The following POLR1A variants were observed in gnomAD, a reference collection of about 807,000 sequenced individuals.
POLR1A encodes RNA polymerase I subunit A.
POLR1A carries 84 observed loss-of-function variants against 205.3 expected under a neutral mutation model. The observed-to-expected ratio is 0.41, with a 90% CI of 0.34 to 0.49. The LOEUF is 0.49. POLR1A is among the 20% of genes least tolerant of loss of function. POLR1A has a pLI of 0.22. For synonymous variants in POLR1A, 799 were observed against 863.7 expected, an observed-to-expected ratio of 0.93 and a Z score of 1.31; for missense variants, 1,645 against 2,204.5, an observed-to-expected ratio of 0.75 and a Z score of 5.08.
At chr2:86,044,086 C>T (rs1193777216) in intron 22 of POLR1A, 53 bp downstream of exon 22, 7 of 1,578,948 alleles carry the variant, frequency 4.4e-6, no homozygotes, top group Non-Finnish European at 5.2e-6. Flanking sequence ...TCTCTAACCT[C>T]GGTGGGGGAG....
At chr2:86,102,888 C>G (rs1029685406) in intron 1 of POLR1A, among the ~76,000 whole-genome samples, 2 of 152,154 alleles carry the variant, frequency 1.3e-5, no homozygotes, top group African/African-American at 4.8e-5. Context: ...ACTGGAGGTG[C>G]CACCACAAAT....
Position 86,052,822 on chromosome 2 carries a change from G to A in POLR1A, c.2387C>T (p.Thr796Ile). Residue 796 changes from threonine to isoleucine, a missense_variant, in exon 16 of 34, where the codon ACC becomes ATC. By Grantham distance (89) the Thr-to-Ile change is moderately conservative. This residue lies in a region of POLR1A where 339 missense variants were observed against 415.1 expected (regional missense o/e 0.82). Coordinates refer to ENST00000263857, the MANE Select transcript of POLR1A (RefSeq NM_015425.6). ...TAYLQLYRGF[T>I]LGVEDILVKP... ...GCAGCGAGCCCGGCACTTACCCAAG[G>A]TGAAGCCTCTGTAGAGCTGCAGGTA... The A allele has an allele frequency of 6.5e-7, 1 of 1,542,504 alleles. No homozygotes were observed. The highest frequency in any genetic ancestry group is 8.8e-7 in the Non-Finnish European group (1 of 1,142,462).
intron 11 of POLR1A, 50 bp from the exon 12 acceptor site, chr2:86,075,310 T>G (rs757553705): frequency 7.6e-7 from 1 of 1,315,168 alleles, no homozygotes. Flanking sequence ...TAAAAAAAGG[T>G]CTGATGGACC....
At chr2:86,027,748 C>G (rs1273185400) in intron 33 of POLR1A, 137 bp downstream of exon 33, 1 of 1,019,450 alleles carries the variant, frequency 9.8e-7, no homozygotes, top group African/African-American at 1.6e-5. Context: ...GTTCAGCCCC[C>G]TCCAGCCGCC....
chr2:86,066,228 C>T (rs1673080916), intron 13 of POLR1A, among the ~76,000 whole-genome samples: 1 of 152,060 alleles, frequency 6.6e-6, no homozygotes, highest in Admixed American at 6.5e-5. Context: ...GTGAGTGGGC[C>T]TGATGTGCAT....
chr2:86,027,656 G>T (rs898619997), intron 33 of POLR1A, 133 bp from the exon 34 acceptor site: 1 of 866,040 alleles, frequency 1.2e-6, no homozygotes, highest in Non-Finnish European at 1.9e-6. Context: ...ATGGGATCAC[G>T]AGGCAGCCCC....
In POLR1A at chr2:86,071,121, G is replaced by A. The variant is rs543953953; in HGVS notation, c.1612-849C>T. ...AATGTATACAAGGCCTAAAGTGATA[G>A]CAATAATGTATTACAGCAAAGAAAA... On this transcript the variant is annotated intron_variant, in intron 12 of 33. Coordinates refer to ENST00000263857, the MANE Select transcript of POLR1A (RefSeq NM_015425.6). Among the ~76,000 whole-genome samples, 33 of 149,144 alleles carry A rather than the reference G, an allele frequency of 2.2e-4. No individual in the cohort carries two copies. The Admixed American group carries it at 2.2e-3, about 10-fold the overall frequency.
At chr2:86,049,076 G>A in intron 17 of POLR1A, 34 bp from the exon 18 acceptor site, 5 of 1,613,992 alleles carry the variant, frequency 3.1e-6, no homozygotes, top group Non-Finnish European at 4.2e-6. Context: ...CGGAGGCTGA[G>A]GCCAAACGAC....
chr2:86,073,155 T>C (rs1260940051), intron 12 of POLR1A, among the ~76,000 whole-genome samples: 2 of 148,528 alleles, frequency 1.3e-5, no homozygotes, highest in Non-Finnish European at 3.0e-5. Context: ...GCTGTGATTA[T>C]ACCACTGCAC....
At chr2:86,042,126 G>A in intron 23 of POLR1A, 23 bp from the exon 24 acceptor site, 1 of 1,551,104 alleles carries the variant, frequency 6.4e-7, no homozygotes, top group Non-Finnish European at 8.9e-7. Flanking sequence ...ATGGGTCTCA[G>A]CTATGTGGGA....
chr2:86,078,969 TATTG>T (rs1179240482), intron 9 of POLR1A, among the ~76,000 whole-genome samples: 3 of 152,198 alleles, frequency 2.0e-5, no homozygotes, highest in Non-Finnish European at 2.9e-5. Flanking sequence ...GAGCACCACC[TATTG>T]ATACTGTCTG....
chr2:86,080,688 C>T lies in POLR1A; in HGVS notation c.1086+128G>A, dbSNP rs915850724. On this transcript the variant is annotated intron_variant, in intron 9 of 33. Transcript: ENST00000263857. ...GTGCCCCCTAAGCCCAGAGCTCACA[C>T]TAAGGCTGCTGCCAGCTGCACAGAA... 3 of 874,346 alleles carry T rather than the reference C, an allele frequency of 3.4e-6. No individual in the cohort carries two copies. In the African/African-American group the frequency reaches 5.1e-5, roughly 15 times the overall value. 54.2% of individuals were successfully genotyped at this position (874,346 alleles called of 1,614,324 possible).
At chr2:86,105,154 A>G (rs1673901519) in intron 1 of POLR1A, among the ~76,000 whole-genome samples, 1 of 152,214 alleles carries the variant, frequency 6.6e-6, no homozygotes, top group Admixed American at 6.5e-5. Context: ...GAGAACTTGA[A>G]GACAAATAAG....
In POLR1A at chr2:86,044,332, C is replaced by T. The variant is rs544600008; in HGVS notation, c.2970-28G>A. 104 of 1,612,968 alleles carry T rather than the reference C, an allele frequency of 6.4e-5. 2 individuals are homozygous for T. In the South Asian group the frequency reaches 9.5e-4, roughly 15 times the overall value. ...GTAAGGACACCATCGGCTCAGTCCCCGCCGGCCCATCACCTCCCCAGGGCA... is the reference window on the plus strand; with the variant it reads ...GTAAGGACACCATCGGCTCAGTCCCTGCCGGCCCATCACCTCCCCAGGGCA... On this transcript the variant is annotated intron_variant, in intron 21 of 33. Coordinates refer to ENST00000263857, the MANE Select transcript of POLR1A (RefSeq NM_015425.6).
chr2:86,069,902 T>C, intron 13 of POLR1A, 116 bp downstream of exon 13: 1 of 1,138,788 alleles, frequency 8.8e-7, no homozygotes, highest in South Asian at 1.7e-5. Context: ...GGACCCTCCA[T>C]TCCAGGCGCC....
At chr2:86,043,616 TCA>T (rs914880523) in intron 22 of POLR1A, among the ~76,000 whole-genome samples, 1 of 152,078 alleles carries the variant, frequency 6.6e-6, no homozygotes, top group African/African-American at 2.4e-5. Flanking sequence ...CACATCGGTT[TCA>T]GTTTCCCTAT....
intron 13 of POLR1A, among the ~76,000 whole-genome samples, chr2:86,066,441 T>C (rs1451873526): frequency 6.6e-6 from 1 of 152,190 alleles, no homozygotes; most frequent in African/African-American, 2.4e-5. Flanking sequence ...ACCTTATCTG[T>C]CGGGTCTGTG....
rs1215996419 is a variant in POLR1A, at chr2:86,028,236, C to T, written c.4898-187G>A. Among the ~76,000 whole-genome samples, 1 of 152,158 alleles carries T rather than the reference C, an allele frequency of 6.6e-6. No individual in the cohort carries two copies. Among genetic ancestry groups the T allele is most frequent in the Admixed American group, 6.5e-5 (1 of 15,278 alleles). ...GTGGTCTGGGGCATCTTTCCCTGAC[C>T]CCTGCATCCTGCTTCCCGCTTCCTT... On this transcript the variant is annotated intron_variant, in intron 32 of 33. Transcript: ENST00000263857. The surrounding 1 kb of genome is among the most constrained non-coding windows in gnomAD (Gnocchi z 4.5).
chr2:86,049,020 A>G lies in POLR1A; in HGVS notation c.2498T>C (p.Leu833Pro). ...CTCATCATATGATGCGGCTTCTGGC[A>G]GGTTTAATGCAGCCCTGACAGCCTA... Reference protein sequence around the residue: ...GPQAVRAALNLPEAASYDEVR... With the variant: ...GPQAVRAALNPPEAASYDEVR... The change falls in exon 18 of 34, where the codon CTG becomes CCG. Residue 833 changes from leucine (L) to proline (P), a missense_variant. Transcript: ENST00000263857. The G allele has an allele frequency of 6.2e-7, 1 of 1,614,240 alleles. No homozygotes were observed.
Sources: allele counts gnomAD v4.1 joint callset (sites outside exome capture counted in the v4.1 genomes callset), GRCh38; gene constraint gnomAD v4.1.1; regional missense constraint gnomAD v4.1.1; non-coding constraint Gnocchi (gnomAD v3.1); transcripts MANE v1.5; gene names NCBI Gene and HGNC (gene_info 2026-07-23, HGNC 2026-07-21).